Variants in AGBL1 observed in about 807,000 individuals in gnomAD.
The protein encoded by AGBL1 is cytosolic carboxypeptidase 4.
Under a neutral mutation model 118.9 loss-of-function variants are expected in AGBL1, and 130 were observed. The ratio of observed to expected loss-of-function variants is 1.09; its 90% CI spans 0.95 to 1.26. AGBL1 has a LOEUF of 1.26. AGBL1 is among the 50% of genes most tolerant of loss of function. The pLI is 0.00. For missense variants in AGBL1, 1,584 were observed against 1,298.1 expected, an observed-to-expected ratio of 1.22 and a Z score of -3.38; for synonymous variants, 555 against 478.9, an observed-to-expected ratio of 1.16 and a Z score of -2.08.
At chr15:86,486,693 T>C (rs1377805233) in intron 18 of AGBL1, among the ~76,000 whole-genome samples, 1 of 152,124 alleles carries the variant, frequency 6.6e-6, no homozygotes, top group Non-Finnish European at 1.5e-5. Context: ...TTTCTCAACC[T>C]CATTGCTATA....
chr15:86,614,953 T>A (rs566298067), intron 21 of AGBL1, among the ~76,000 whole-genome samples: 2 of 152,190 alleles, frequency 1.3e-5, no homozygotes, highest in South Asian at 4.2e-4. Flanking sequence ...GTGAAGGTAG[T>A]TTATAGAGAA....
At chr15:86,948,820 T>C (rs1157871221) in intron 23 of AGBL1, among the ~76,000 whole-genome samples, 1 of 152,240 alleles carries the variant, frequency 6.6e-6, no homozygotes. Flanking sequence ...ACGAGTGAGA[T>C]GTCAAGAATG....
intron 21 of AGBL1, among the ~76,000 whole-genome samples, chr15:86,605,746 T>C (rs571859843): frequency 8.1e-6 from 1 of 122,700 alleles, no homozygotes; most frequent in Admixed American, 8.2e-5. Flanking sequence ...GGACTCAGGC[T>C]GTATGTGAGT....
intron 16 of AGBL1, among the ~76,000 whole-genome samples, chr15:86,293,556 C>T (rs1235148497): frequency 6.6e-6 from 1 of 152,132 alleles, no homozygotes; most frequent in East Asian, 1.9e-4. Flanking sequence ...AGGACGACCT[C>T]CCCATTTCAA....
chr15:86,415,762 C>A (rs1185143887), intron 18 of AGBL1, among the ~76,000 whole-genome samples: 1 of 152,108 alleles, frequency 6.6e-6, no homozygotes, highest in Non-Finnish European at 1.5e-5. Context: ...CCATGCTTAT[C>A]CCAATTTCAT....
At chr15:86,081,104 T>C (rs542929023) in intron 1 of AGBL1, among the ~76,000 whole-genome samples, 1 of 152,296 alleles carries the variant, frequency 6.6e-6, no homozygotes, top group South Asian at 2.1e-4. Context: ...AGTGCAATGG[T>C]GTGATCTCGA....
chr15:86,356,747 AACGAGGAGGTATT>A (rs978604739), intron 17 of AGBL1, among the ~76,000 whole-genome samples: 137 of 152,290 alleles, frequency 9.0e-4, no homozygotes, highest in African/African-American at 3.2e-3. Flanking sequence ...ACCATGGGCA[AACGAGGAGGTATT>A]CCTTTTGGTG....
chr15:86,748,867 A>G (rs183355553), intron 22 of AGBL1, among the ~76,000 whole-genome samples: 82 of 151,982 alleles, frequency 5.4e-4, no homozygotes, highest in Admixed American at 3.6e-3. Context: ...CCATTGGTCT[A>G]TATCTCTGTT....
intron 21 of AGBL1, among the ~76,000 whole-genome samples, chr15:86,628,524 C>T (rs1436824876): frequency 2.0e-5 from 3 of 152,146 alleles, no homozygotes; most frequent in Non-Finnish European, 4.4e-5. Flanking sequence ...TGGCTGGGCG[C>T]AGTGGCTCAT....
At chr15:86,762,313 T>A (rs1256280688) in intron 22 of AGBL1, among the ~76,000 whole-genome samples, 1 of 151,952 alleles carries the variant, frequency 6.6e-6, no homozygotes, top group Non-Finnish European at 1.5e-5. Flanking sequence ...TAAACCACCA[T>A]GGCACATGTT....
chr15:86,272,238 A>C (rs1048107916), intron 15 of AGBL1, among the ~76,000 whole-genome samples: 23 of 152,228 alleles, frequency 1.5e-4, no homozygotes, highest in Admixed American at 5.2e-4. Context: ...ATCAGTCGCC[A>C]GTTTCATCAG....
intron 23 of AGBL1, among the ~76,000 whole-genome samples, chr15:86,925,729 T>TTA (rs989089204): frequency 5.4e-5 from 8 of 149,220 alleles, no homozygotes; most frequent in African/African-American, 2.0e-4. Flanking sequence ...TCTTTTTTTT[T>TTA]TTTTTTATTT....
At chr15:86,965,767 C>T (rs2081045307) in intron 23 of AGBL1, among the ~76,000 whole-genome samples, 2 of 152,062 alleles carry the variant, frequency 1.3e-5, no homozygotes, top group African/African-American at 4.8e-5. Flanking sequence ...GAAAACCAAA[C>T]ACTGCATGTT....
rs115882002 is a variant in AGBL1 at position 86,321,452 on chromosome 15, T to C, written c.2374+26044T>C. On this transcript the variant is annotated intron_variant, in intron 17 of 22. Transcript: ENST00000614907. ...TTTCTTTCTTAATGTTGTTTATTCA[T>C]ACCTTATTCTTTTCTGATATAAAAA... 4.1e-3 allele frequency among the ~76,000 whole-genome samples: 629 copies of C among 152,176 alleles called. 6 individuals carry two copies. Among genetic ancestry groups the C allele is most frequent in the African/African-American group, 0.014 (587 of 41,512 alleles).
intron 21 of AGBL1, among the ~76,000 whole-genome samples, chr15:86,595,328 G>T (rs1007232899): frequency 6.6e-6 from 1 of 152,006 alleles, no homozygotes; most frequent in Non-Finnish European, 1.5e-5. Flanking sequence ...CACACCAAAT[G>T]CTTCAAAACT....
At position 86,290,886 on chromosome 15, in the gene AGBL1, T is replaced by C. The variant is rs540021353; in HGVS notation, c.2221-4369T>C. On this transcript the variant is annotated intron_variant, in intron 16 of 22. Coordinates refer to ENST00000614907, the MANE Select transcript of AGBL1 (RefSeq NM_001386094.1). ...CCCTAGAGTGTGATGTTCCCCTTCC[T>C]GTGTCCATGTGTTCTCATTGTTCAA... is the stretch of plus-strand genomic sequence containing the variant. 4.0e-5 allele frequency among the ~76,000 whole-genome samples: 6 copies of C among 151,544 alleles called. No individual in the cohort carries two copies. In the South Asian group the frequency reaches 1.3e-3, roughly 32 times the overall value.
chr15:86,657,269 G>A (rs1471981575), intron 21 of AGBL1, among the ~76,000 whole-genome samples: 1 of 152,090 alleles, frequency 6.6e-6, no homozygotes, highest in Non-Finnish European at 1.5e-5. Context: ...TGTGCCTCCT[G>A]GCCAATCAGT....
chr15:86,206,000 C>T (rs1194853639), intron 5 of AGBL1, among the ~76,000 whole-genome samples: 2 of 152,116 alleles, frequency 1.3e-5, no homozygotes, highest in African/African-American at 4.8e-5. Context: ...CACGACAGTC[C>T]TCTGTGTGAT....
chr15:86,479,141 C>G (rs187855378), intron 18 of AGBL1, among the ~76,000 whole-genome samples: 81 of 152,218 alleles, frequency 5.3e-4, no homozygotes, highest in Admixed American at 2.6e-3. Flanking sequence ...AGAAGAAAAC[C>G]TAGGCAATAC....
Sources: allele counts gnomAD v4.1 joint callset (sites outside exome capture counted in the v4.1 genomes callset), GRCh38; gene constraint gnomAD v4.1.1; transcripts MANE v1.5; gene names NCBI Gene and HGNC (gene_info 2026-07-23, HGNC 2026-07-21).